IFT56: variants seen among roughly 807,000 people sequenced by gnomAD.
IFT56 encodes the protein intraflagellar transport 56.
chr7:139,180,362 C>T, the IFT56 span, among the ~76,000 whole-genome samples: 6,346 of 150,918 alleles, frequency 0.042, 465 homozygotes, highest in African/African-American at 0.15. Flanking sequence ...AAGAACTTTA[C>T]TTTGTCTCTG....
the IFT56 span, among the ~76,000 whole-genome samples, chr7:139,163,067 G>A: frequency 6.6e-5 from 10 of 151,776 alleles, no homozygotes; most frequent in African/African-American, 9.7e-5. Context: ...TTGATAGGCC[G>A]GGTGCGGTGA....
chr7:139,148,079 T>C, the IFT56 span: 4 of 769,166 alleles, frequency 5.2e-6, no homozygotes, highest in Middle Eastern at 3.1e-4. Context: ...ACTGATCATA[T>C]CTTGCCCTCT....
At chr7:139,139,370 A>G in the IFT56 span, among the ~76,000 whole-genome samples, 1 of 152,188 alleles carries the variant, frequency 6.6e-6, no homozygotes. Flanking sequence ...AAGACTGATA[A>G]AAAGTGAGAG....
chr7:139,161,994 T>C, the IFT56 span, among the ~76,000 whole-genome samples: 7 of 152,324 alleles, frequency 4.6e-5, no homozygotes, highest in South Asian at 2.1e-4. Context: ...ATTTAGGAGT[T>C]ATTGTAAGAG....
the IFT56 span, chr7:139,173,164 T>C: frequency 1.5e-6 from 1 of 652,472 alleles, no homozygotes; most frequent in East Asian, 2.5e-5. Context: ...GAGTTCCTCC[T>C]GGATCGTATT....
At chr7:139,181,315 G>T in the IFT56 span, 4 of 714,418 alleles carry the variant, frequency 5.6e-6, no homozygotes, top group South Asian at 4.9e-5. Context: ...GAGGATTCAC[G>T]TAGTGTTATA....
the IFT56 span, among the ~76,000 whole-genome samples, chr7:139,181,636 A>G: frequency 6.6e-6 from 1 of 152,164 alleles, no homozygotes; most frequent in Non-Finnish European, 1.5e-5. Flanking sequence ...CATTGTACAA[A>G]CATCAGAGTG....
At chr7:139,148,437 C>G in the IFT56 span, 1 of 1,479,982 alleles carries the variant, frequency 6.8e-7, no homozygotes, top group Middle Eastern at 1.8e-4. Context: ...TTTATACTTT[C>G]CAAGTTATTC....
At chr7:139,150,138 T>G in the IFT56 span, among the ~76,000 whole-genome samples, 8 of 152,202 alleles carry the variant, frequency 5.3e-5, 1 homozygote, top group Admixed American at 5.2e-4. Context: ...GAGCACATAG[T>G]ATATACTTAT....
the IFT56 span, among the ~76,000 whole-genome samples, chr7:139,150,615 T>G: frequency 3.9e-5 from 6 of 152,204 alleles, no homozygotes; most frequent in Admixed American, 1.3e-4. Flanking sequence ...GAACCTTTTT[T>G]TGGTACCAAT....
At chr7:139,146,144 A>G in the IFT56 span, among the ~76,000 whole-genome samples, 1 of 152,232 alleles carries the variant, frequency 6.6e-6, no homozygotes, top group Non-Finnish European at 1.5e-5. Flanking sequence ...AGTCTACAGA[A>G]GACAATTCTT....
At chr7:139,167,103 C>T in the IFT56 span, among the ~76,000 whole-genome samples, 1 of 151,960 alleles carries the variant, frequency 6.6e-6, no homozygotes, top group Admixed American at 6.6e-5. Context: ...TTTTAAACTC[C>T]CTTATATGTA....
chr7:139,189,522 T>C, the IFT56 span: 1 of 888,656 alleles, frequency 1.1e-6, no homozygotes, highest in African/African-American at 1.7e-5. Flanking sequence ...TACAGGGCTC[T>C]GTTTTATTGA....
the IFT56 span, chr7:139,148,418 T>C: frequency 6.4e-7 from 1 of 1,560,620 alleles, no homozygotes; most frequent in Non-Finnish European, 8.8e-7. Flanking sequence ...TCATTCCAAT[T>C]TGAATTACTT....
At chr7:139,151,297 C>T in the IFT56 span, among the ~76,000 whole-genome samples, 2 of 151,890 alleles carry the variant, frequency 1.3e-5, no homozygotes, top group Non-Finnish European at 2.9e-5. Flanking sequence ...TGGGAATTCT[C>T]ATAAAGGGTA....
chr7:139,140,775 CAAAAAAAAAA>C, the IFT56 span, among the ~76,000 whole-genome samples: 1 of 74,892 alleles, frequency 1.3e-5, no homozygotes, highest in East Asian at 3.3e-4. Flanking sequence ...AACTCCACCT[CAAAAAAAAAA>C]AAAAAAAAAA....
the IFT56 span, chr7:139,174,263 C>A: frequency 1.7e-6 from 1 of 578,828 alleles, no homozygotes; most frequent in Non-Finnish European, 3.4e-6. Flanking sequence ...ATAACATTAA[C>A]AATCTGGGTC....
At chr7:139,180,217 G>A in the IFT56 span, among the ~76,000 whole-genome samples, 1 of 152,028 alleles carries the variant, frequency 6.6e-6, no homozygotes, top group Non-Finnish European at 1.5e-5. Context: ...GGCGCCTGTA[G>A]TCCCAGCTGC....
chr7:139,179,875 A>T, the IFT56 span, among the ~76,000 whole-genome samples: 2 of 152,192 alleles, frequency 1.3e-5, no homozygotes, highest in African/African-American at 4.8e-5. Context: ...TTGACCTAGT[A>T]CTTATAGCCT....
Sources: gnomAD v4.1 joint callset for allele counts (sites outside exome capture counted in the v4.1 genomes callset) on GRCh38, gnomAD v4.1.1 for gene constraint, MANE v1.5 for transcripts, NCBI Gene and HGNC (gene_info 2026-07-23, HGNC 2026-07-21) for gene names.